The following TSPAN7 variants were observed in gnomAD, a reference collection of about 807,000 sequenced individuals.
The protein encoded by TSPAN7 is tetraspanin 7.
A neutral mutation model predicts 17.6 loss-of-function variants in TSPAN7; 1 was observed. That is an observed-to-expected ratio of 0.06 (90% CI 0.02 to 0.27). The LOEUF is 0.27. Ranked by LOEUF, TSPAN7 falls within the 10% of genes least tolerant of loss-of-function variation. The probability of loss-of-function intolerance (pLI) is 1.00; values close to 1 mark genes in which losing one functional copy is unlikely to be tolerated. For missense variants in TSPAN7, 112 were observed against 201.7 expected, an observed-to-expected ratio of 0.56 and a Z score of 2.69; for synonymous variants, 78 against 79.0, an observed-to-expected ratio of 0.99 and a Z score of 0.07.
At chrX:38,585,178 C>T (rs977404491) in intron 1 of TSPAN7, among the ~76,000 whole-genome samples, 3 of 111,762 alleles carry the variant, frequency 2.7e-5, no homozygotes, top group South Asian at 7.4e-4. Context: ...TCCTGTTGAA[C>T]GTGTGTGAAG....
At chrX:38,567,140 G>A (rs2069147729) in intron 1 of TSPAN7, among the ~76,000 whole-genome samples, 1 of 111,218 alleles carries the variant, frequency 9.0e-6, no homozygotes, top group Non-Finnish European at 1.9e-5. Flanking sequence ...ATAAATAGAG[G>A]GAAAAGTCTT....
chrX:38,675,046 G>A (rs147227971), intron 4 of TSPAN7, among the ~76,000 whole-genome samples: 3,960 of 111,875 alleles, frequency 0.035, 172 homozygotes, highest in African/African-American at 0.12. Flanking sequence ...TTTTTGCCCC[G>A]TTTGCTTTAA....
chrX:38,681,165 T>G, intron 5 of TSPAN7, 39 bp from the exon 6 acceptor site: 1 of 1,146,155 alleles, frequency 8.7e-7, no homozygotes, highest in Non-Finnish European at 1.2e-6. Flanking sequence ...TTGGCCTGAG[T>G]GAAAACATGT....
At chrX:38,659,939 G>T (rs776614353) in intron 1 of TSPAN7, among the ~76,000 whole-genome samples, 1 of 101,302 alleles carries the variant, frequency 9.9e-6, no homozygotes, top group South Asian at 4.8e-4. Flanking sequence ...TGATTCTCCC[G>T]CCTCAGCCTC....
At chrX:38,619,654 C>T (rs1348564176) in intron 1 of TSPAN7, among the ~76,000 whole-genome samples, 2 of 111,705 alleles carry the variant, frequency 1.8e-5, no homozygotes, top group Non-Finnish European at 3.8e-5. Context: ...AGCTCTGTGA[C>T]ATCTACAGTA....
chrX:38,645,772 C>T (rs966373408), intron 1 of TSPAN7, among the ~76,000 whole-genome samples: 6 of 111,754 alleles, frequency 5.4e-5, no homozygotes, highest in Non-Finnish European at 9.4e-5. Flanking sequence ...GGATTCTGGA[C>T]GGTACAGATT....
At chrX:38,654,947 G>T (rs368104083) in intron 1 of TSPAN7, among the ~76,000 whole-genome samples, 1 of 111,984 alleles carries the variant, frequency 8.9e-6, no homozygotes, top group East Asian at 2.8e-4. Context: ...GGAATTCCAG[G>T]CAGAAGGAAG....
intron 1 of TSPAN7, chrX:38,570,805 C>CG (rs1323918989): frequency 3.6e-5 from 4 of 111,829 alleles, no homozygotes; most frequent in African/African-American, 1.3e-4. Context: ...CTTGCCATGA[C>CG]AGAATGATTT....
At position 38,566,460 on chromosome X, in the gene TSPAN7, A is replaced by G. The variant is rs892809742; in HGVS notation, c.81+4833A>G. 40 of 530,026 alleles carry G rather than the reference A, an allele frequency of 7.5e-5. No homozygotes were observed. The African/African-American group carries it at 9.1e-4, about 12-fold the overall frequency. The allele number at this position is 530,026 out of a possible 1,213,427, so 43.7% of individuals were successfully genotyped here. ...AATGAATGAATGAATTAATGAATAA[A>G]TGAAATTTTATTGACTACTCTTGGG... On this transcript the variant is annotated intron_variant, in intron 1 of 7. Coordinates refer to ENST00000378482, the MANE Select transcript of TSPAN7 (RefSeq NM_004615.4).
At chrX:38,683,332 A>C (rs903832589) in intron 6 of TSPAN7, among the ~76,000 whole-genome samples, 2 of 112,926 alleles carry the variant, frequency 1.8e-5, no homozygotes, top group African/African-American at 6.4e-5. Context: ...ACAAATAATT[A>C]TCTGGCCTGA....
At chrX:38,583,949 C>CA (rs1695139665) in intron 1 of TSPAN7, among the ~76,000 whole-genome samples, 1 of 66,973 alleles carries the variant, frequency 1.5e-5, no homozygotes, top group African/African-American at 6.1e-5. Context: ...TTTTTCTTTT[C>CA]TTTTTTTTTT....
Position 38,561,645 on chromosome X carries a change from G to A in TSPAN7, c.81+18G>A. The A allele has an allele frequency of 1.7e-6, 2 of 1,181,538 alleles. No homozygotes were observed. The highest frequency in any genetic ancestry group is 3.6e-5 in the South Asian group (2 of 56,211). ...TCTTCTGGGTAAGTGCCCACGCCGG[G>A]CCGGTGGCCGAGTCGCTGTCCATCG... On this transcript the variant is annotated intron_variant, in intron 1 of 7. Transcript: ENST00000378482.
At chrX:38,584,259 A>AT (rs1031142542) in intron 1 of TSPAN7, among the ~76,000 whole-genome samples, 3 of 110,650 alleles carry the variant, frequency 2.7e-5, no homozygotes, top group Non-Finnish European at 5.7e-5. Context: ...GGCAAACCTG[A>AT]TTTTTTTTAA....
intron 1 of TSPAN7, among the ~76,000 whole-genome samples, chrX:38,603,120 T>C (rs151116636): frequency 0.016 from 1,834 of 112,005 alleles, 51 homozygotes; most frequent in African/African-American, 0.057. Context: ...AGAATCTAAA[T>C]AGACATTTCT....
At chrX:38,596,105 T>C (rs1485826195) in intron 1 of TSPAN7, among the ~76,000 whole-genome samples, 5 of 111,452 alleles carry the variant, frequency 4.5e-5, no homozygotes, top group Admixed American at 3.8e-4. Context: ...TCTGTGTATC[T>C]GGGGGTAAGA....
intron 1 of TSPAN7, among the ~76,000 whole-genome samples, chrX:38,571,353 G>T (rs1426127451): frequency 9.0e-6 from 1 of 111,376 alleles, no homozygotes; most frequent in Non-Finnish European, 1.9e-5. Context: ...AACTGGTCTG[G>T]ACAGAGTGCC....
chrX:38,628,336 G>T (rs12558271), intron 1 of TSPAN7, among the ~76,000 whole-genome samples: 7 of 109,087 alleles, frequency 6.4e-5, no homozygotes, highest in South Asian at 4.0e-4. Flanking sequence ...TGGCAAATAT[G>T]TTTTTTTTTG....
intron 3 of TSPAN7, among the ~76,000 whole-genome samples, chrX:38,673,771 A>G (rs1449703908): frequency 9.0e-6 from 1 of 111,197 alleles, no homozygotes; most frequent in Non-Finnish European, 1.9e-5. Flanking sequence ...CCTATGGTAA[A>G]ACAGGGATCA....
chrX:38,652,584 G>T (rs1469226764), intron 1 of TSPAN7, among the ~76,000 whole-genome samples: 1 of 112,501 alleles, frequency 8.9e-6, no homozygotes, highest in Non-Finnish European at 1.9e-5. Flanking sequence ...AAGCCACCAG[G>T]TATAACATGG....
Sources: gnomAD v4.1 joint callset for allele counts (sites outside exome capture counted in the v4.1 genomes callset) on GRCh38, gnomAD v4.1.1 for gene constraint, MANE v1.5 for transcripts, NCBI Gene and HGNC (gene_info 2026-07-23, HGNC 2026-07-21) for gene names.